Variants in SMCO2 observed in about 807,000 individuals in gnomAD.
SMCO2 encodes single-pass membrane protein with coiled-coil domains 2.
In SMCO2, 25 loss-of-function variants were observed where a neutral mutation model predicts 29.5. That is an observed-to-expected ratio of 0.85 (90% CI 0.62 to 1.18). The LOEUF (loss-of-function observed/expected upper bound fraction) is 1.18, where lower values mean the gene tolerates loss of function less well. Ranked by LOEUF, SMCO2 falls within the 50% of genes most tolerant of loss-of-function variation. The pLI is 0.00. For synonymous variants in SMCO2, 117 were observed against 123.3 expected, an observed-to-expected ratio of 0.95 and a Z score of 0.34; for missense variants, 348 against 344.5, an observed-to-expected ratio of 1.01 and a Z score of -0.08.
the SMCO2 span, among the ~76,000 whole-genome samples, chr12:27,460,695 C>A: frequency 6.6e-6 from 1 of 151,980 alleles, no homozygotes; most frequent in Non-Finnish European, 1.5e-5. Context: ...CTTTTATTTT[C>A]AAAAACCCTC....
chr12:27,433,542 C>T, the SMCO2 span, among the ~76,000 whole-genome samples: 47 of 132,616 alleles, frequency 3.5e-4, no homozygotes, highest in Non-Finnish European at 6.5e-4. Context: ...CACACACACA[C>T]ATATATCATA....
the SMCO2 span, among the ~76,000 whole-genome samples, chr12:27,437,458 T>C: frequency 6.6e-6 from 1 of 152,106 alleles, no homozygotes; most frequent in African/African-American, 2.4e-5. Flanking sequence ...GTTTTTTTTT[T>C]AATCCAAACT....
At chr12:27,469,751 A>C (rs772029177) in intron 1 of SMCO2, among the ~76,000 whole-genome samples, 3 of 152,160 alleles carry the variant, frequency 2.0e-5, no homozygotes, top group Admixed American at 6.5e-5. Context: ...AGCTTTTTCT[A>C]TGAGCCTATC....
At chr12:27,480,560 T>C (rs907848854) in intron 4 of SMCO2, among the ~76,000 whole-genome samples, 2 of 152,186 alleles carry the variant, frequency 1.3e-5, no homozygotes, top group African/African-American at 2.4e-5. Flanking sequence ...ATCTCCTATG[T>C]TGGAGGTGGG....
chr12:27,437,761 A>G, the SMCO2 span, among the ~76,000 whole-genome samples: 1 of 152,114 alleles, frequency 6.6e-6, no homozygotes, highest in Non-Finnish European at 1.5e-5. Context: ...GCTCCAGCCT[A>G]CTTCCTGTCA....
At chr12:27,490,514 A>G (rs414213) in intron 5 of SMCO2, among the ~76,000 whole-genome samples, 18,612 of 152,180 alleles carry the variant, frequency 0.12, 2,182 homozygotes, top group African/African-American at 0.29. Flanking sequence ...CTGTATGTAA[A>G]TTATATCTCA....
At chr12:27,473,055 G>T in intron 3 of SMCO2, 180 bp downstream of exon 3, 1 of 533,266 alleles carries the variant, frequency 1.9e-6, no homozygotes, top group Admixed American at 3.4e-5. Flanking sequence ...GTTCCCACTG[G>T]ATGCTGCTGT....
the SMCO2 span, among the ~76,000 whole-genome samples, chr12:27,447,588 C>A: frequency 6.6e-6 from 1 of 151,948 alleles, no homozygotes; most frequent in African/African-American, 2.4e-5. Flanking sequence ...AAAACCTTGT[C>A]TCTATAAAAA....
At chr12:27,432,164 C>T in the SMCO2 span, among the ~76,000 whole-genome samples, 1 of 152,162 alleles carries the variant, frequency 6.6e-6, no homozygotes, top group South Asian at 2.1e-4. Context: ...GATGTTAACA[C>T]CCTATCAGAT....
intron 4 of SMCO2, among the ~76,000 whole-genome samples, chr12:27,480,317 T>A (rs148730468): frequency 2.0e-5 from 3 of 152,050 alleles, no homozygotes; most frequent in African/African-American, 7.3e-5. Context: ...CAAATGTCAA[T>A]CTCCTCTGGC....
At chr12:27,436,488 A>G in the SMCO2 span, among the ~76,000 whole-genome samples, 2 of 152,156 alleles carry the variant, frequency 1.3e-5, no homozygotes, top group African/African-American at 2.4e-5. Flanking sequence ...TGGTGGGGGC[A>G]TTCACAGGAT....
intron 5 of SMCO2, among the ~76,000 whole-genome samples, chr12:27,493,614 A>C (rs961295842): frequency 1.3e-5 from 2 of 152,160 alleles, no homozygotes; most frequent in Non-Finnish European, 1.5e-5. Flanking sequence ...TTCCTGCTAT[A>C]TCTCTGCTTT....
chr12:27,483,025 C>G (rs1949658913), intron 4 of SMCO2, among the ~76,000 whole-genome samples: 1 of 152,200 alleles, frequency 6.6e-6, no homozygotes, highest in Non-Finnish European at 1.5e-5. Flanking sequence ...CCGTGCCCAG[C>G]CAACTCCTTT....
intron 2 of SMCO2, among the ~76,000 whole-genome samples, chr12:27,471,674 G>A (rs1214444918): frequency 6.6e-6 from 1 of 152,154 alleles, no homozygotes; most frequent in Non-Finnish European, 1.5e-5. Context: ...AAATACAAAT[G>A]AGTTTTATAC....
intron 5 of SMCO2, among the ~76,000 whole-genome samples, chr12:27,493,640 C>T (rs1942960279): frequency 2.0e-5 from 3 of 152,200 alleles, no homozygotes; most frequent in South Asian, 4.1e-4. Flanking sequence ...GTATCCTGAA[C>T]GTCTCTTAGT....
At chr12:27,500,314 G>C (rs552121175) in intron 7 of SMCO2, among the ~76,000 whole-genome samples, 3 of 149,844 alleles carry the variant, frequency 2.0e-5, no homozygotes, top group African/African-American at 7.5e-5. Context: ...AGTATTTACC[G>C]TAGGACAGAA....
chr12:27,500,596 T>TA (rs2135584478), intron 7 of SMCO2, among the ~76,000 whole-genome samples: 1 of 150,884 alleles, frequency 6.6e-6, no homozygotes, highest in East Asian at 1.9e-4. Flanking sequence ...ACTGGTTTTT[T>TA]AATTTAGGAG....
chr12:27,494,243 G>A, intron 5 of SMCO2, 57 bp from the exon 7 acceptor site: 1 of 1,173,148 alleles, frequency 8.5e-7, no homozygotes, highest in Non-Finnish European at 1.2e-6. Context: ...AGATTTTATT[G>A]TACAAACCAG....
At chr12:27,456,250 T>C in the SMCO2 span, among the ~76,000 whole-genome samples, 2 of 152,194 alleles carry the variant, frequency 1.3e-5, no homozygotes, top group African/African-American at 4.8e-5. Flanking sequence ...TATTGGATTA[T>C]ATAAAAGACA....
Sources: allele counts gnomAD v4.1 joint callset (sites outside exome capture counted in the v4.1 genomes callset), GRCh38; gene constraint gnomAD v4.1.1; transcripts MANE v1.5; gene names NCBI Gene and HGNC (gene_info 2026-07-23, HGNC 2026-07-21).